The following KPNA3 variants were observed in gnomAD, a reference collection of about 807,000 sequenced individuals.
The protein encoded by KPNA3 is importin subunit alpha-4.
In KPNA3, 13 loss-of-function variants were observed where a neutral mutation model predicts 73.8. The observed-to-expected ratio is 0.18, with a 90% CI of 0.11 to 0.28. The LOEUF (loss-of-function observed/expected upper bound fraction) is 0.28. Ranked by LOEUF, KPNA3 falls within the 10% of genes least tolerant of loss-of-function variation. The pLI is 1.00. For synonymous variants in KPNA3, 186 were observed against 206.9 expected, an observed-to-expected ratio of 0.90 and a Z score of 0.87; for missense variants, 360 against 618.1, an observed-to-expected ratio of 0.58 and a Z score of 4.43.
chr13:49,746,378 T>C (rs1954617777), intron 2 of KPNA3, among the ~76,000 whole-genome samples: 1 of 152,130 alleles, frequency 6.6e-6, no homozygotes, highest in Admixed American at 6.5e-5. Flanking sequence ...CTCAGCCAGC[T>C]GAGGTGGGAG....
At position 49,730,964 on chromosome 13, in the gene KPNA3, TAG is replaced by T. The variant is rs995165507; in HGVS notation, c.383+1405_383+1406del. 7.9e-5 allele frequency among the ~76,000 whole-genome samples: 12 copies of T among 151,258 alleles called. No individual in the cohort carries two copies. The South Asian group carries it at 1.0e-3, about 13-fold the overall frequency. ...GCTGATTTTTTTTAATATTTTTTAA[TAG>T]AGACAGGGTTTCACCACGTTAGCCA... On this transcript the variant is annotated intron_variant, in intron 6 of 16. Transcript: ENST00000261667.
chr13:49,702,452 T>C lies in KPNA3; in HGVS notation c.1401A>G (p.Gln467=), dbSNP rs1215448339. ...GGLEKIEVLQ[Q]HENEDIYKLA... Reference sequence around the variant, plus strand: ...ATTTATATATGTCTTCATTTTCATGTTGCTGTAAAACTTCAATTTTCTCCA... The same window carrying C: ...ATTTATATATGTCTTCATTTTCATGCTGCTGTAAAACTTCAATTTTCTCCA... The change falls in exon 16 of 17, where the codon CAA becomes CAG. Residue 467 remains glutamine, a synonymous_variant. Coordinates refer to ENST00000261667, the MANE Select transcript of KPNA3 (RefSeq NM_002267.4). The C allele has an allele frequency of 2.4e-5, 38 of 1,558,282 alleles. No individual in the cohort carries two copies. The highest frequency in any genetic ancestry group is 2.8e-5 in the Non-Finnish European group (32 of 1,136,196).
chr13:49,719,228 T>C (rs1954332734), intron 10 of KPNA3, among the ~76,000 whole-genome samples: 4 of 152,146 alleles, frequency 2.6e-5, no homozygotes. Context: ...TTTAAAACTA[T>C]ATATTCTTCT....
rs753248673 is a variant in KPNA3, at chr13:49,792,527, G to A, written c.-21C>T. Reference sequence around the variant, plus strand: ...GCCATGGCTGCGCGCGGCTCCGGCGGCGGCTACTCCTGCGGCTGCGGCGGC... The same window carrying A: ...GCCATGGCTGCGCGCGGCTCCGGCGACGGCTACTCCTGCGGCTGCGGCGGC... On this transcript the variant is annotated 5_prime_UTR_variant, in exon 1 of 17. Transcript: ENST00000261667. 2.4e-5 allele frequency: 38 copies of A among 1,566,140 alleles called. No individual in the cohort carries two copies. The highest frequency in any genetic ancestry group is 2.6e-5 in the Non-Finnish European group (30 of 1,158,556).
In KPNA3 at chr13:49,788,893, C is replaced by T. The variant is rs148648029; in HGVS notation, c.69+3545G>A. On this transcript the variant is annotated intron_variant, in intron 1 of 16. Coordinates refer to ENST00000261667, the MANE Select transcript of KPNA3 (RefSeq NM_002267.4). ...CCTCCCTTCCTCCATTTATAAACCT[C>T]AGAATAACCTTTACTCCCTTTCTCT... 3.1e-4 allele frequency among the ~76,000 whole-genome samples: 47 copies of T among 152,176 alleles called. 1 individual carries two copies. Among genetic ancestry groups the T allele is most frequent in the African/African-American group, 1.1e-3 (44 of 41,510 alleles).
Position 49,699,799 on chromosome 13 carries a change from G to A in KPNA3, c.*2001C>T, listed in dbSNP as rs1221822471. 6.6e-6 allele frequency: 1 copy of A among 152,576 alleles called. No individual in the cohort carries two copies. The highest frequency in any genetic ancestry group is 1.5e-5 in the Non-Finnish European group (1 of 68,032). The allele number at this position is 152,576 out of a possible 1,614,324, so 9.5% of individuals were successfully genotyped here. A position where few individuals can be genotyped will look rare whatever the true frequency, so the allele number is the denominator to read the frequency against. ...ATCAAGAAGATTTGGACTTTTAAGGGTTTCACCGAAGTTTGTGACCTTAAT... is the reference window on the plus strand; with the variant it reads ...ATCAAGAAGATTTGGACTTTTAAGGATTTCACCGAAGTTTGTGACCTTAAT... On this transcript the variant is annotated 3_prime_UTR_variant, in exon 17 of 17. Coordinates refer to ENST00000261667, the MANE Select transcript of KPNA3 (RefSeq NM_002267.4).
chr13:49,731,436 T>C (rs1360668966), intron 6 of KPNA3, among the ~76,000 whole-genome samples: 2 of 152,118 alleles, frequency 1.3e-5, no homozygotes, highest in Admixed American at 1.3e-4. Context: ...TTTACTTAAG[T>C]AACACTGTTA....
At chr13:49,778,663 TGA>T (rs1353077762) in intron 1 of KPNA3, among the ~76,000 whole-genome samples, 3 of 152,234 alleles carry the variant, frequency 2.0e-5, no homozygotes, top group East Asian at 1.9e-4. Flanking sequence ...TTGTTTTTTC[TGA>T]GACAGTACAA....
At chr13:49,737,906 C>T (rs1954539070) in intron 2 of KPNA3, among the ~76,000 whole-genome samples, 1 of 152,148 alleles carries the variant, frequency 6.6e-6, no homozygotes, top group Non-Finnish European at 1.5e-5. Flanking sequence ...TCTCACACAG[C>T]AAAATTTTTA....
chr13:49,723,653 C>T (rs887971454), intron 7 of KPNA3, among the ~76,000 whole-genome samples: 6 of 151,572 alleles, frequency 4.0e-5, no homozygotes, highest in Non-Finnish European at 5.9e-5. Flanking sequence ...GGGCAGATCA[C>T]GAGGTCAAGA....
intron 10 of KPNA3, among the ~76,000 whole-genome samples, chr13:49,716,961 A>T (rs1954310117): frequency 6.6e-6 from 1 of 151,810 alleles, no homozygotes; most frequent in South Asian, 2.1e-4. Context: ...ACTGAGGAAC[A>T]ACAAGTTCCA....
At chr13:49,705,929 T>C (rs1954203556) in intron 14 of KPNA3, 146 bp from the exon 15 acceptor site, 6 of 951,722 alleles carry the variant, frequency 6.3e-6, no homozygotes, top group Middle Eastern at 3.1e-4. Context: ...TGCCTGTGAA[T>C]AGCAACTGCA....
At chr13:49,710,555 G>T (rs1184946247) in intron 11 of KPNA3, among the ~76,000 whole-genome samples, 2 of 152,208 alleles carry the variant, frequency 1.3e-5, no homozygotes. Context: ...AAAATTTCTA[G>T]CTTAGGCCAT....
chr13:49,761,873 C>G (rs1281586694), intron 1 of KPNA3, among the ~76,000 whole-genome samples: 1 of 147,700 alleles, frequency 6.8e-6, no homozygotes, highest in Admixed American at 6.7e-5. Flanking sequence ...ATGTGAGGAG[C>G]GCCTCTGCCC....
intron 15 of KPNA3, among the ~76,000 whole-genome samples, chr13:49,704,409 T>C (rs1954181314): frequency 7.3e-6 from 1 of 137,916 alleles, no homozygotes; most frequent in African/African-American, 2.7e-5. Context: ...CGAAACTCTG[T>C]CTCAAAAAAA....
At chr13:49,775,569 C>T (rs180779313) in intron 1 of KPNA3, among the ~76,000 whole-genome samples, 62 of 152,240 alleles carry the variant, frequency 4.1e-4, no homozygotes, top group African/African-American at 1.4e-3. Context: ...TATACATCTT[C>T]ATCAAACCAT....
chr13:49,760,910 T>G (rs1954753309), intron 1 of KPNA3, among the ~76,000 whole-genome samples: 1 of 152,130 alleles, frequency 6.6e-6, no homozygotes, highest in East Asian at 1.9e-4. Flanking sequence ...AACTCCAGAT[T>G]CTATGGTCTT....
intron 1 of KPNA3, among the ~76,000 whole-genome samples, chr13:49,764,571 A>G (rs1353212939): frequency 6.6e-6 from 1 of 151,996 alleles, no homozygotes; most frequent in African/African-American, 2.4e-5. Flanking sequence ...CTCCTCCCCA[A>G]TCCCAAGATC....
At chr13:49,786,602 G>A (rs1954984398) in intron 1 of KPNA3, among the ~76,000 whole-genome samples, 1 of 152,170 alleles carries the variant, frequency 6.6e-6, no homozygotes, top group South Asian at 2.1e-4. Context: ...GGTTGCCAGA[G>A]TGAACCCCAA....
Sources: allele counts gnomAD v4.1 joint callset (sites outside exome capture counted in the v4.1 genomes callset), GRCh38; gene constraint gnomAD v4.1.1; transcripts MANE v1.5; gene names NCBI Gene and HGNC (gene_info 2026-07-23, HGNC 2026-07-21).